Variants in NOS1AP observed in about 807,000 individuals in gnomAD.
The protein encoded by NOS1AP is carboxyl-terminal PDZ ligand of neuronal nitric oxide synthase protein.
In NOS1AP, 21 loss-of-function variants were observed where a neutral mutation model predicts 56.2. That is an observed-to-expected ratio of 0.37 (90% CI 0.26 to 0.54). The LOEUF is 0.54. NOS1AP is among the 20% of genes least tolerant of loss of function. The probability of loss-of-function intolerance (pLI) is 0.84; values close to 1 mark genes in which losing one functional copy is unlikely to be tolerated. For synonymous variants in NOS1AP, 270 were observed against 274.6 expected (o/e 0.98, Z 0.17); for missense variants, 522 against 657.8 (o/e 0.79, Z 2.26).
chr1:162,219,631 C>G (rs1274002265), intron 2 of NOS1AP, among the ~76,000 whole-genome samples: 2 of 152,222 alleles, frequency 1.3e-5, no homozygotes, highest in African/African-American at 2.4e-5. Flanking sequence ...CTGCTGGAGA[C>G]AATGTTAATC....
chr1:162,083,492 T>C (rs1691937235), intron 1 of NOS1AP, among the ~76,000 whole-genome samples: 1 of 152,152 alleles, frequency 6.6e-6, no homozygotes, highest in South Asian at 2.1e-4. Flanking sequence ...CCTCCTGCCC[T>C]GGCCTCCCAA....
chr1:162,190,410 A>C (rs1228561633), intron 2 of NOS1AP, among the ~76,000 whole-genome samples: 1 of 152,080 alleles, frequency 6.6e-6, no homozygotes, highest in East Asian at 1.9e-4. Flanking sequence ...GTACATGTGC[A>C]CAATGTGCAG....
intron 3 of NOS1AP, among the ~76,000 whole-genome samples, chr1:162,299,166 G>A (rs1655563025): frequency 6.6e-6 from 1 of 152,148 alleles, no homozygotes; most frequent in Non-Finnish European, 1.5e-5. Flanking sequence ...TGCATCAGTT[G>A]GAAAGCAGCC....
intron 2 of NOS1AP, among the ~76,000 whole-genome samples, chr1:162,159,509 T>C (rs1189775645): frequency 6.6e-6 from 1 of 152,222 alleles, no homozygotes; most frequent in African/African-American, 2.4e-5. Context: ...CCCTGAGAGA[T>C]ACTGAGCTGC....
At chr1:162,281,890 G>T (rs1654942171) in intron 2 of NOS1AP, among the ~76,000 whole-genome samples, 1 of 152,194 alleles carries the variant, frequency 6.6e-6, no homozygotes, top group Non-Finnish European at 1.5e-5. Context: ...GGAGGCTGGG[G>T]CGGGCAGATC....
chr1:162,360,283 C>T (rs758801864), intron 8 of NOS1AP, among the ~76,000 whole-genome samples: 2 of 152,218 alleles, frequency 1.3e-5, no homozygotes, highest in South Asian at 4.1e-4. Context: ...TCTGACCGCT[C>T]TTCCGACCCA....
chr1:162,261,150 A>AGAGAGAGAGAG (rs1557853412), intron 2 of NOS1AP, among the ~76,000 whole-genome samples: 1 of 139,366 alleles, frequency 7.2e-6, no homozygotes, highest in African/African-American at 2.7e-5. Flanking sequence ...TGGCAGAAAC[A>AGAGAGAGAGAG]ACCAGTAAAT....
chr1:162,367,221 G>C lies in NOS1AP; in HGVS notation c.1275G>C (p.Leu425Phe). Residue 425 changes from leucine to phenylalanine, a missense_variant, in exon 10 of 10, where the codon TTG becomes TTC. By Grantham distance (22) the Leu-to-Phe change is conservative (BLOSUM62 0). Around this residue, in one of 4 missense-constraint regions of NOS1AP, gnomAD observed 160 missense variants for 180.3 expected, o/e 0.89. Transcript: ENST00000361897. The surrounding 1 kb of genome is among the most constrained non-coding windows in gnomAD (Gnocchi z 6.5). ...AGSPLGRRDC[L>F]VKLECFRFLP... Reference sequence around the variant, plus strand: ...GCCCCTTAGGTAGGCGCGACTGCTTGGTGAAGCTGGAGTGCTTTCGCTTTC... The same window carrying C: ...GCCCCTTAGGTAGGCGCGACTGCTTCGTGAAGCTGGAGTGCTTTCGCTTTC... 6.2e-7 allele frequency: 1 copy of C among 1,613,910 alleles called. No homozygotes were observed. Among genetic ancestry groups the C allele is most frequent in the Non-Finnish European group, 8.5e-7 (1 of 1,179,976 alleles).
intron 1 of NOS1AP, among the ~76,000 whole-genome samples, chr1:162,123,313 C>T (rs1648319204): frequency 6.6e-6 from 1 of 152,190 alleles, no homozygotes; most frequent in South Asian, 2.1e-4. Context: ...CTGGGACTAA[C>T]AGGCATGTGC....
Position 162,081,774 on chromosome 1 carries a change from A to ATATATATATATATTTTTTTTTTTTT in NOS1AP, c.105+11493_105+11494insATATATATATATTTTTTTTTTTTTT. Among the ~76,000 whole-genome samples, 85 of 43,986 alleles carry ATATATATATATATTTTTTTTTTTTT rather than the reference A, an allele frequency of 1.9e-3. 1 individual carries two copies. Among genetic ancestry groups the ATATATATATATATTTTTTTTTTTTT allele is most frequent in the Non-Finnish European group, 3.3e-3 (70 of 21,534 alleles). The allele number at this position is 43,986 out of a possible 152,430, so 28.9% of individuals were successfully genotyped here. A position where few individuals can be genotyped will look rare whatever the true frequency, so the allele number is the denominator to read the frequency against. On this transcript the variant is annotated intron_variant, in intron 1 of 9. Coordinates refer to ENST00000361897, the MANE Select transcript of NOS1AP (RefSeq NM_014697.3). The stretch of plus-strand genomic sequence containing the variant: ...TCTATAGATATATATATATATATAT[A>ATATATATATATATTTTTTTTTTTTT]TTTTTTTTTTGTAGAGATGGGTTTT...
At chr1:162,198,157 T>C (rs1205221861) in intron 2 of NOS1AP, among the ~76,000 whole-genome samples, 2 of 152,122 alleles carry the variant, frequency 1.3e-5, no homozygotes, top group African/African-American at 4.8e-5. Context: ...GCTGGTGTGA[T>C]GCTCGTTTAG....
rs759642153 is a variant in NOS1AP, at chr1:162,333,018, A to G, written c.346A>G (p.Ile116Val). 2 of 1,609,886 alleles carry G rather than the reference A, an allele frequency of 1.2e-6. No homozygotes were observed. Among genetic ancestry groups the G allele is most frequent in the Non-Finnish European group, 1.7e-6 (2 of 1,176,208 alleles). The change falls in exon 5 of 10, where the codon ATC (isoleucine) becomes GTC (valine). Residue 116 changes from isoleucine (I) to valine (V), a missense_variant and splice_region_variant. Around this residue, in one of 4 missense-constraint regions of NOS1AP, gnomAD observed 132 missense variants for 218.1 expected, o/e 0.61. Transcript: ENST00000361897. The stretch of plus-strand genomic sequence containing the variant: ...ATTTTTCTGTTGTTCTTCCTTTAGG[A>G]TCTTCTATGTCTCTCATGATTCCCA... The part of the protein sequence containing the change: ...MLVMQDPIYR[I>V]FYVSHDSQDL...
chr1:162,097,429 T>C (rs1692271834), intron 1 of NOS1AP, among the ~76,000 whole-genome samples: 1 of 152,202 alleles, frequency 6.6e-6, no homozygotes, highest in Admixed American at 6.5e-5. Flanking sequence ...CCTTTTTATT[T>C]GTGTTTTCTT....
intron 1 of NOS1AP, among the ~76,000 whole-genome samples, chr1:162,150,733 AC>A: frequency 6.6e-6 from 1 of 152,226 alleles, no homozygotes; most frequent in Admixed American, 6.5e-5. Flanking sequence ...CTTTTTATGT[AC>A]CTGTTTCCCA....
intron 8 of NOS1AP, among the ~76,000 whole-genome samples, chr1:162,358,531 A>G (rs575454298): frequency 1.3e-5 from 2 of 152,300 alleles, no homozygotes; most frequent in African/African-American, 4.8e-5. Context: ...GAGAGGGGGA[A>G]TGTCATTAAT....
intron 2 of NOS1AP, among the ~76,000 whole-genome samples, chr1:162,240,841 C>T (rs564781481): frequency 1.1e-4 from 17 of 152,294 alleles, no homozygotes; most frequent in African/African-American, 3.8e-4. Context: ...ATGGCCCTGC[C>T]CTTGCAGAGT....
At chr1:162,281,026 C>A (rs916039620) in intron 2 of NOS1AP, among the ~76,000 whole-genome samples, 7 of 152,196 alleles carry the variant, frequency 4.6e-5, no homozygotes, top group African/African-American at 1.7e-4. Flanking sequence ...AGCTGGGTAG[C>A]CCACAGAACA....
At chr1:162,359,772 T>G (rs1402656725) in intron 8 of NOS1AP, among the ~76,000 whole-genome samples, 1 of 152,152 alleles carries the variant, frequency 6.6e-6, no homozygotes, top group African/African-American at 2.4e-5. Flanking sequence ...ACTTGTTCTG[T>G]CAGACTCTAT....
chr1:162,124,452 A>G (rs1446011372), intron 1 of NOS1AP, among the ~76,000 whole-genome samples: 1 of 151,912 alleles, frequency 6.6e-6, no homozygotes, highest in Non-Finnish European at 1.5e-5. Flanking sequence ...TGCAAAAGAC[A>G]TTATTTCATT....
Sources: gnomAD v4.1 joint callset for allele counts (sites outside exome capture counted in the v4.1 genomes callset) on GRCh38, gnomAD v4.1.1 for gene constraint, gnomAD v4.1.1 regional missense constraint, Gnocchi (gnomAD v3.1) non-coding constraint, MANE v1.5 for transcripts, NCBI Gene and HGNC (gene_info 2026-07-23, HGNC 2026-07-21) for gene names.